The following GNS variants were observed in gnomAD, a reference collection of about 807,000 sequenced individuals.
GNS encodes glucosamine (N-acetyl)-6-sulfatase.
In GNS, 40 loss-of-function variants were observed where a neutral mutation model predicts 69.7. That is an observed-to-expected ratio of 0.57 (90% CI 0.45 to 0.75). GNS has a LOEUF of 0.75. GNS is among the 30% of genes least tolerant of loss of function. GNS has a pLI of 0.00. For missense variants in GNS, 565 were observed against 685.5 expected (o/e 0.82, Z 1.96); for synonymous variants, 243 against 251.6 (o/e 0.97, Z 0.32).
chr12:64,738,041 G>A (rs1411332380), intron 8 of GNS, among the ~76,000 whole-genome samples: 7 of 149,746 alleles, frequency 4.7e-5, no homozygotes, highest in Admixed American at 4.0e-4. Flanking sequence ...ATGGAGTCTC[G>A]CTCTGTCACC....
intron 5 of GNS, 66 bp from the exon 6 acceptor site, chr12:64,743,374 T>A: frequency 8.6e-7 from 1 of 1,161,216 alleles, no homozygotes; most frequent in Non-Finnish European, 1.3e-6. Flanking sequence ...TAGATAAATG[T>A]CTTCTGGTGA....
At chr12:64,747,070 A>G (rs1027256694) in intron 3 of GNS, among the ~76,000 whole-genome samples, 4 of 152,220 alleles carry the variant, frequency 2.6e-5, no homozygotes, top group East Asian at 1.9e-4. Context: ...GCTAAGGCCA[A>G]TGTGTGAATG....
chr12:64,743,005 G>A (rs962361046), intron 6 of GNS, 136 bp downstream of exon 6: 15 of 775,474 alleles, frequency 1.9e-5, no homozygotes, highest in Non-Finnish European at 3.1e-5. Flanking sequence ...ACTATTGGTT[G>A]TACTAGGGAC....
chr12:64,753,437 A>C (rs963326036), intron 1 of GNS, among the ~76,000 whole-genome samples: 10 of 152,358 alleles, frequency 6.6e-5, no homozygotes, highest in Admixed American at 4.6e-4. Context: ...GAATGAGGAC[A>C]AAAGTATGAA....
intron 9 of GNS, among the ~76,000 whole-genome samples, chr12:64,736,374 C>T (rs1023305587): frequency 6.6e-6 from 1 of 152,206 alleles, no homozygotes; most frequent in African/African-American, 2.4e-5. Context: ...CAGGGAAAGA[C>T]TAATTCCTAG....
In GNS at chr12:64,715,795, C is replaced by G. The variant is rs755039590; in HGVS notation, c.*946G>C. The G allele has an allele frequency of 1.3e-5, 2 of 152,272 alleles. No homozygotes were observed. Among genetic ancestry groups the G allele is most frequent in the Non-Finnish European group, 2.9e-5 (2 of 68,064 alleles). The allele number at this position is 152,272 out of a possible 1,614,324, so 9.4% of individuals were successfully genotyped here. On this transcript the variant is annotated 3_prime_UTR_variant, in exon 14 of 14. Coordinates refer to ENST00000258145, the MANE Select transcript of GNS (RefSeq NM_002076.4). ...ATTCAAGCTCCCTGCTGGACAGGCA[C>G]TTCTTTCCTTTATCCCTGGTACAGC... is the stretch of plus-strand genomic sequence containing the variant.
At chr12:64,719,589 A>T (rs777237812) in intron 13 of GNS, among the ~76,000 whole-genome samples, 3 of 152,192 alleles carry the variant, frequency 2.0e-5, no homozygotes, top group Non-Finnish European at 4.4e-5. Context: ...TAATATATTA[A>T]ATTCACCAGC....
At chr12:64,756,756 A>G in intron 1 of GNS, 1 of 1,490,020 alleles carries the variant, frequency 6.7e-7, no homozygotes, top group Non-Finnish European at 9.0e-7. Context: ...GAATATTCTG[A>G]AAAAGCCTAG....
Position 64,716,495 on chromosome 12 carries a change from C to T in GNS, c.*246G>A. On this transcript the variant is annotated 3_prime_UTR_variant, in exon 14 of 14. Coordinates refer to ENST00000258145, the MANE Select transcript of GNS (RefSeq NM_002076.4). ...AAGAATACAGTGAGAACAAAGACCT[C>T]AGGAGTGTCCTTGTCAGCTAAAGGA... 3.6e-6 allele frequency: 2 copies of T among 555,984 alleles called. No homozygotes were observed. Among genetic ancestry groups the T allele is most frequent in the Non-Finnish European group, 6.5e-6 (2 of 307,878 alleles). The allele number at this position is 555,984 out of a possible 1,614,324, so 34.4% of individuals were successfully genotyped here. A position where few individuals can be genotyped will look rare whatever the true frequency, so the allele number is the denominator to read the frequency against.
At chr12:64,735,186 G>A (rs965355726) in intron 9 of GNS, among the ~76,000 whole-genome samples, 1 of 152,182 alleles carries the variant, frequency 6.6e-6, no homozygotes, top group Admixed American at 6.5e-5. Context: ...TTGGTGTACC[G>A]TGCTGGCAAG....
At chr12:64,754,335 G>C (rs1416268657) in intron 1 of GNS, among the ~76,000 whole-genome samples, 1 of 152,178 alleles carries the variant, frequency 6.6e-6, no homozygotes, top group Non-Finnish European at 1.5e-5. Flanking sequence ...ACTTTAGATG[G>C]GTGGTCAGAA....
At chr12:64,737,471 C>G (rs1364781823) in intron 8 of GNS, among the ~76,000 whole-genome samples, 4 of 152,198 alleles carry the variant, frequency 2.6e-5, no homozygotes, top group Non-Finnish European at 5.9e-5. Context: ...AACACCTATC[C>G]TGTGTTTCCT....
intron 6 of GNS, among the ~76,000 whole-genome samples, chr12:64,741,998 TTTATC>T (rs1252471066): frequency 7.9e-5 from 12 of 152,016 alleles, no homozygotes; most frequent in Admixed American, 5.2e-4. Flanking sequence ...TTTATTTTAT[TTTATC>T]TTATCTTGTC....
intron 2 of GNS, among the ~76,000 whole-genome samples, chr12:64,751,902 T>C (rs1226222767): frequency 6.9e-6 from 1 of 144,070 alleles, no homozygotes; most frequent in African/African-American, 2.6e-5. Flanking sequence ...GCAGGAGAAC[T>C]GCTTGATCCC....
chr12:64,747,352 G>T (rs1365322608), intron 3 of GNS, among the ~76,000 whole-genome samples: 1 of 152,158 alleles, frequency 6.6e-6, no homozygotes, highest in Non-Finnish European at 1.5e-5. Flanking sequence ...ACAAGGAATG[G>T]AAACAAAGAT....
At chr12:64,728,596 T>A (rs564531278) in intron 10 of GNS, among the ~76,000 whole-genome samples, 1 of 152,372 alleles carries the variant, frequency 6.6e-6, no homozygotes, top group Admixed American at 6.5e-5. Flanking sequence ...GTTTTAGCCA[T>A]TTTTAATTCT....
At chr12:64,745,612 AT>A (rs1869875314) in intron 4 of GNS, 46 bp downstream of exon 4, 1 of 993,238 alleles carries the variant, frequency 1.0e-6, no homozygotes, top group East Asian at 2.4e-5. Flanking sequence ...CATATTCTGC[AT>A]CTGTAGGGCT....
intron 2 of GNS, among the ~76,000 whole-genome samples, chr12:64,750,051 CTGT>C (rs1870028439): frequency 6.6e-6 from 1 of 151,592 alleles, no homozygotes; most frequent in Non-Finnish European, 1.5e-5. Flanking sequence ...GTTTTTGTTG[CTGT>C]TGTTGGTTTG....
intron 1 of GNS, chr12:64,753,104 A>C: frequency 3.4e-6 from 1 of 298,400 alleles, no homozygotes; most frequent in Non-Finnish European, 6.3e-6. Flanking sequence ...AAATGATATA[A>C]AGGGAGCCTT....
Sources: gnomAD v4.1 joint callset for allele counts (sites outside exome capture counted in the v4.1 genomes callset) on GRCh38, gnomAD v4.1.1 for gene constraint, MANE v1.5 for transcripts, NCBI Gene and HGNC (gene_info 2026-07-23, HGNC 2026-07-21) for gene names.